Variants in PPM1K observed in about 807,000 individuals in gnomAD.
PPM1K encodes the protein protein phosphatase Mn(2+)-dependent 1K.
A neutral mutation model predicts 32.6 loss-of-function variants in PPM1K; 19 were observed. The ratio of observed to expected loss-of-function variants is 0.58; its 90% CI spans 0.41 to 0.86. PPM1K has a LOEUF of 0.86. Ranked by LOEUF, PPM1K falls within the 40% of genes least tolerant of loss-of-function variation. PPM1K has a pLI of 0.00. For missense variants in PPM1K, 362 were observed against 461.2 expected (o/e 0.78, Z 1.97); for synonymous variants, 159 against 165.3 (o/e 0.96, Z 0.29).
At chr4:88,277,877 T>C (rs1005675749) in intron 2 of PPM1K, 3 of 513,032 alleles carry the variant, frequency 5.8e-6, no homozygotes, top group Non-Finnish European at 1.1e-5. Context: ...TCATGTACAT[T>C]ATGCCACTTC....
chr4:88,278,384 C>G lies in PPM1K; in HGVS notation c.200G>C (p.Trp67Ser). ...AATTGGCTCATCAATGCGGTTATCC[C>G]AGATCCCAAAATTGTCCCAGGTAGC... Reference protein sequence around the residue: ...SPATWDNFGIWDNRIDEPILL... With the variant: ...SPATWDNFGISDNRIDEPILL... The change falls in exon 2 of 7, where the codon TGG becomes TCG. Residue 67 changes from tryptophan to serine, a missense_variant. Coordinates refer to ENST00000608933, the MANE Select transcript of PPM1K (RefSeq NM_152542.5). The surrounding 1 kb of genome is among the most constrained non-coding windows in gnomAD (Gnocchi z 4.2). The G allele has an allele frequency of 3.1e-6, 5 of 1,614,220 alleles. No individual in the cohort carries two copies. Among genetic ancestry groups the G allele is most frequent in the South Asian group, 2.2e-5 (2 of 91,086 alleles).
intron 3 of PPM1K, among the ~76,000 whole-genome samples, chr4:88,273,785 T>C (rs766596382): frequency 1.3e-5 from 2 of 152,044 alleles, no homozygotes; most frequent in Non-Finnish European, 2.9e-5. Flanking sequence ...ATGGGCAACA[T>C]GGCGCTGGCC....
chr4:88,283,894 C>A (rs1339842090), intron 1 of PPM1K: 3 of 152,400 alleles, frequency 2.0e-5, no homozygotes, highest in Non-Finnish European at 4.4e-5. Context: ...AATAGCTGGG[C>A]TCCCTCGGCA....
intron 3 of PPM1K, among the ~76,000 whole-genome samples, chr4:88,273,648 T>C (rs1254664159): frequency 6.7e-6 from 1 of 149,808 alleles, no homozygotes; most frequent in African/African-American, 2.5e-5. Flanking sequence ...ACCATTGCAC[T>C]CTAGCCTGGG....
At chr4:88,270,918 C>T in intron 3 of PPM1K, 1 of 298,660 alleles carries the variant, frequency 3.3e-6, no homozygotes, top group Non-Finnish European at 6.7e-6. Flanking sequence ...TAACATTTAA[C>T]ATGGAAGTAA....
At chr4:88,269,358 TCTTCC>T (rs1325165998) in intron 3 of PPM1K, among the ~76,000 whole-genome samples, 8 of 152,368 alleles carry the variant, frequency 5.3e-5, no homozygotes, top group Non-Finnish European at 1.2e-4. Flanking sequence ...GAAGGTTTTC[TCTTCC>T]ATTTTTCACT....
intron 3 of PPM1K, 35 bp from the exon 4 acceptor site, chr4:88,268,941 T>C (rs370334175): frequency 7.8e-6 from 12 of 1,544,238 alleles, no homozygotes; most frequent in Non-Finnish European, 9.7e-6. Context: ...TACAAGTTAG[T>C]GACAGTCAAA....
At chr4:88,268,640 C>A in intron 4 of PPM1K, 101 bp downstream of exon 4, 2 of 1,263,300 alleles carry the variant, frequency 1.6e-6, no homozygotes, top group Non-Finnish European at 1.1e-6. Flanking sequence ...AAAAGAAAAC[C>A]AAGTCACTGT....
chr4:88,277,131 A>G lies in PPM1K; in HGVS notation c.541+12T>C. 1.9e-6 allele frequency: 3 copies of G among 1,589,544 alleles called. No homozygotes were observed. Among genetic ancestry groups the G allele is most frequent in the Non-Finnish European group, 2.6e-6 (3 of 1,157,636 alleles). On this transcript the variant is annotated intron_variant, in intron 3 of 6. Transcript: ENST00000608933. ...CTCCCTAGGATCCAAGGAATGTGAT[A>G]GTTTTACATACCATCAGCAGACAGG... is the stretch of plus-strand genomic sequence containing the variant.
chr4:88,275,142 G>A (rs952142992), intron 3 of PPM1K: 7 of 540,300 alleles, frequency 1.3e-5, no homozygotes, highest in Admixed American at 6.4e-5. Context: ...TATGATAGAG[G>A]AATTAAATTA....
chr4:88,271,605 C>A (rs1731558384), intron 3 of PPM1K, among the ~76,000 whole-genome samples: 1 of 152,142 alleles, frequency 6.6e-6, no homozygotes, highest in Non-Finnish European at 1.5e-5. Context: ...CACAGTAAAT[C>A]ACTACCTTTA....
At chr4:88,275,498 T>C (rs1731729239) in intron 3 of PPM1K, 2 of 985,190 alleles carry the variant, frequency 2.0e-6, no homozygotes, top group Non-Finnish European at 2.4e-6. Flanking sequence ...CAATCACCGA[T>C]TGGTTTAAGC....
At chr4:88,282,397 A>C (rs1732049847) in intron 1 of PPM1K, among the ~76,000 whole-genome samples, 1 of 152,236 alleles carries the variant, frequency 6.6e-6, no homozygotes, top group African/African-American at 2.4e-5. Flanking sequence ...ATTTTAAGAA[A>C]GCATTCCTAT....
intron 6 of PPM1K, among the ~76,000 whole-genome samples, chr4:88,263,828 A>G (rs988466875): frequency 1.3e-5 from 2 of 152,088 alleles, no homozygotes; most frequent in Admixed American, 6.6e-5. Flanking sequence ...ATGCCACCAC[A>G]CCTGGATACT....
chr4:88,270,899 A>G (rs61550489), intron 3 of PPM1K: 8,663 of 286,452 alleles, frequency 0.03, 733 homozygotes, highest in African/African-American at 0.18. Flanking sequence ...ATCAGCATTC[A>G]TTTTCATTTA....
chr4:88,266,283 C>G (rs942300466), intron 5 of PPM1K, among the ~76,000 whole-genome samples: 8 of 152,204 alleles, frequency 5.3e-5, no homozygotes, highest in Non-Finnish European at 1.2e-4. Flanking sequence ...AATGAAGACA[C>G]TGATTAGTAG....
At chr4:88,276,241 T>A (rs1002933427) in intron 3 of PPM1K, 3 of 985,434 alleles carry the variant, frequency 3.0e-6, no homozygotes, top group Non-Finnish European at 3.6e-6. Flanking sequence ...CTGAAGACTG[T>A]GCAAATGACA....
At chr4:88,266,255 T>C (rs1048265770) in intron 5 of PPM1K, among the ~76,000 whole-genome samples, 18 of 152,136 alleles carry the variant, frequency 1.2e-4, no homozygotes, top group African/African-American at 4.3e-4. Context: ...GGGTGTGTGT[T>C]GGGGGGCAGT....
chr4:88,273,671 A>C (rs1434791813), intron 3 of PPM1K, among the ~76,000 whole-genome samples: 1 of 150,498 alleles, frequency 6.6e-6, no homozygotes, highest in Non-Finnish European at 1.5e-5. Context: ...ACTAGAGCAA[A>C]ACTGTCTCAA....
Sources: gnomAD v4.1 joint callset for allele counts (sites outside exome capture counted in the v4.1 genomes callset) on GRCh38, gnomAD v4.1.1 for gene constraint, Gnocchi (gnomAD v3.1) non-coding constraint, MANE v1.5 for transcripts, NCBI Gene and HGNC (gene_info 2026-07-23, HGNC 2026-07-21) for gene names.